Variants in AFF3 observed in about 807,000 individuals in gnomAD.
AFF3 encodes the protein AF4/FMR2 family member 3.
A neutral mutation model predicts 129.7 loss-of-function variants in AFF3; 32 were observed. That is an observed-to-expected ratio of 0.25 (90% CI 0.19 to 0.33). The LOEUF is 0.33. Among genes scored for constraint, AFF3 ranks in the 10% least tolerant of loss-of-function variants. The probability of loss-of-function intolerance (pLI) is 1.00; values close to 1 mark genes in which losing one functional copy is unlikely to be tolerated. For missense variants in AFF3, 1,373 were observed against 1,592.0 expected, an observed-to-expected ratio of 0.86 and a Z score of 2.34; for synonymous variants, 644 against 635.4, an observed-to-expected ratio of 1.01 and a Z score of -0.20.
chr2:99,800,873 A>T (rs937803346), intron 8 of AFF3, among the ~76,000 whole-genome samples: 7 of 152,204 alleles, frequency 4.6e-5, no homozygotes, highest in Non-Finnish European at 8.8e-5. Context: ...AGGAAAATGC[A>T]GACTCACCCA....
At chr2:100,013,279 C>T (rs17023424) in intron 4 of AFF3, among the ~76,000 whole-genome samples, 7,193 of 152,162 alleles carry the variant, frequency 0.047, 600 homozygotes, top group African/African-American at 0.16. Context: ...CTTGATCATA[C>T]GGTAACAGCA....
intron 8 of AFF3, among the ~76,000 whole-genome samples, chr2:99,756,815 T>G (rs1472739782): frequency 6.6e-6 from 1 of 152,216 alleles, no homozygotes; most frequent in Non-Finnish European, 1.5e-5. Flanking sequence ...TTGTTGCAGA[T>G]TATACACATA....
intron 11 of AFF3, among the ~76,000 whole-genome samples, chr2:99,718,700 A>C (rs1172929705): frequency 6.6e-6 from 1 of 152,120 alleles, no homozygotes; most frequent in East Asian, 1.9e-4. Context: ...TGATCTTAGG[A>C]AGAAGTGCTT....
chr2:100,110,620 C>G (rs72966489), intron 2 of AFF3, among the ~76,000 whole-genome samples: 4,160 of 152,238 alleles, frequency 0.027, 180 homozygotes, highest in African/African-American at 0.094. Flanking sequence ...GCAGAAGATC[C>G]CCACAAGGTC....
chr2:99,762,611 T>A (rs566203709), intron 8 of AFF3, among the ~76,000 whole-genome samples: 1 of 152,338 alleles, frequency 6.6e-6, no homozygotes, highest in East Asian at 1.9e-4. Context: ...TAGGAATTAA[T>A]TGAACTTCTC....
At chr2:99,980,377 T>C (rs552336767) in intron 7 of AFF3, among the ~76,000 whole-genome samples, 3 of 152,182 alleles carry the variant, frequency 2.0e-5, no homozygotes, top group African/African-American at 2.4e-5. Context: ...GGAAGGAGCA[T>C]ACATGAGCTG....
intron 11 of AFF3, among the ~76,000 whole-genome samples, chr2:99,699,111 A>G (rs1676584456): frequency 6.6e-6 from 1 of 152,232 alleles, no homozygotes. Context: ...AGACATTTAA[A>G]TGATGCAATC....
intron 13 of AFF3, among the ~76,000 whole-genome samples, chr2:99,634,677 T>C (rs1196434621): frequency 1.3e-5 from 2 of 152,086 alleles, no homozygotes; most frequent in African/African-American, 2.4e-5. Context: ...GGAAATAACG[T>C]TGGCTTGGCA....
chr2:99,796,580 G>A (rs1685570044), intron 8 of AFF3, among the ~76,000 whole-genome samples: 1 of 152,156 alleles, frequency 6.6e-6, no homozygotes, highest in Non-Finnish European at 1.5e-5. Context: ...AGAAAGCCCA[G>A]TGAACACACT....
At chr2:100,020,412 A>G (rs1306998998) in intron 4 of AFF3, among the ~76,000 whole-genome samples, 3 of 151,986 alleles carry the variant, frequency 2.0e-5, no homozygotes, top group African/African-American at 7.3e-5. Context: ...TGCCATCTTT[A>G]TGTTGATGTT....
At chr2:99,636,501 C>T (rs911671126) in intron 13 of AFF3, among the ~76,000 whole-genome samples, 1 of 152,208 alleles carries the variant, frequency 6.6e-6, no homozygotes, top group Admixed American at 6.5e-5. Flanking sequence ...GTAAATACTG[C>T]CTCTCGGGAT....
intron 10 of AFF3, among the ~76,000 whole-genome samples, chr2:99,740,249 TGTGAATAGTGCCGCAATAAAC>T (rs1430665484): frequency 1.3e-5 from 2 of 149,868 alleles, no homozygotes; most frequent in Non-Finnish European, 3.0e-5. Context: ...TCTTTGCTAT[TGTGAATAGTGCCGCAATAAAC>T]ATACGTGTGC....
intron 8 of AFF3, among the ~76,000 whole-genome samples, chr2:99,822,036 T>TA (rs1157840671): frequency 1.3e-5 from 2 of 152,168 alleles, no homozygotes; most frequent in Non-Finnish European, 2.9e-5. Flanking sequence ...ATTGATATTT[T>TA]AAAAAAATTA....
chr2:100,107,739 C>T (rs1311175614), intron 2 of AFF3, among the ~76,000 whole-genome samples: 2 of 152,146 alleles, frequency 1.3e-5, no homozygotes, highest in Non-Finnish European at 2.9e-5. Flanking sequence ...CAAATGAATC[C>T]TGCTCAGTCT....
At chr2:99,861,816 C>G (rs1174636256) in intron 7 of AFF3, among the ~76,000 whole-genome samples, 1 of 152,202 alleles carries the variant, frequency 6.6e-6, no homozygotes, top group Non-Finnish European at 1.5e-5. Context: ...AAACCCCCTT[C>G]ACCATCCTAA....
chr2:99,645,994 C>T (rs62154533), intron 13 of AFF3, among the ~76,000 whole-genome samples: 5,318 of 152,252 alleles, frequency 0.035, 113 homozygotes, highest in Non-Finnish European at 0.043. Flanking sequence ...GGGAAACACA[C>T]CCCTTTCTTT....
intron 17 of AFF3, among the ~76,000 whole-genome samples, chr2:99,580,586 C>T (rs1677434331): frequency 6.6e-6 from 1 of 152,174 alleles, no homozygotes. Flanking sequence ...ATTACTCAGT[C>T]CAAAATGTGA....
intron 10 of AFF3, among the ~76,000 whole-genome samples, chr2:99,741,446 T>C (rs543669724): frequency 2.0e-5 from 3 of 152,106 alleles, no homozygotes; most frequent in Non-Finnish European, 4.4e-5. Flanking sequence ...GAGAGCCAAA[T>C]CATGAGTGAA....
At chr2:99,708,213 C>T (rs1009223241) in intron 11 of AFF3, among the ~76,000 whole-genome samples, 1 of 152,088 alleles carries the variant, frequency 6.6e-6, no homozygotes, top group Non-Finnish European at 1.5e-5. Context: ...TCTGGCAACA[C>T]TACTTTGGAG....
Sources: gnomAD v4.1 joint callset for allele counts (sites outside exome capture counted in the v4.1 genomes callset) on GRCh38, gnomAD v4.1.1 for gene constraint, MANE v1.5 for transcripts, NCBI Gene and HGNC (gene_info 2026-07-23, HGNC 2026-07-21) for gene names.